LPIN2: variants seen among roughly 807,000 people sequenced by gnomAD.
The protein encoded by LPIN2 is phosphatidate phosphatase LPIN2.
In LPIN2, 55 loss-of-function variants were observed where a neutral mutation model predicts 111.4. The ratio of observed to expected loss-of-function variants is 0.49; its 90% CI spans 0.40 to 0.62. The LOEUF is 0.62. Ranked by LOEUF, LPIN2 falls within the 20% of genes least tolerant of loss-of-function variation. LPIN2 has a pLI of 0.00. For synonymous variants in LPIN2, 425 were observed against 414.0 expected, an observed-to-expected ratio of 1.03 and a Z score of -0.32; for missense variants, 992 against 1,112.1, an observed-to-expected ratio of 0.89 and a Z score of 1.54.
intron 1 of LPIN2, chr18:2,982,903 C>T: frequency 9.3e-6 from 3 of 324,040 alleles, no homozygotes; most frequent in Non-Finnish European, 1.2e-5. Context: ...GGAAATGGTT[C>T]TTAAAAAAAA....
chr18:2,999,131 A>C (rs2078390106), intron 1 of LPIN2, among the ~76,000 whole-genome samples: 1 of 152,178 alleles, frequency 6.6e-6, no homozygotes, highest in South Asian at 2.1e-4. Context: ...CCACTCTCAA[A>C]ACCCACTGTT....
At chr18:2,992,809 A>C (rs1265532047) in intron 1 of LPIN2, among the ~76,000 whole-genome samples, 5 of 151,784 alleles carry the variant, frequency 3.3e-5, no homozygotes, top group Admixed American at 6.6e-5. Context: ...CAGTGAAACC[A>C]TGTCTCTACT....
At chr18:2,932,727 G>A (rs9966095) in intron 8 of LPIN2, among the ~76,000 whole-genome samples, 2,464 of 152,324 alleles carry the variant, frequency 0.016, 49 homozygotes, top group African/African-American at 0.052. Context: ...CATACATGGT[G>A]CCCCTCCCCA....
intron 5 of LPIN2, 136 bp from the exon 6 acceptor site, chr18:2,939,739 C>T: frequency 2.3e-6 from 2 of 872,878 alleles, no homozygotes; most frequent in Non-Finnish European, 3.5e-6. Context: ...TGGAAGGGAG[C>T]ATCAATTATT....
intron 1 of LPIN2, among the ~76,000 whole-genome samples, chr18:2,966,003 T>G (rs1290945199): frequency 6.6e-6 from 1 of 152,154 alleles, no homozygotes; most frequent in Non-Finnish European, 1.5e-5. Context: ...TGGTGCGATC[T>G]CTGCTCACTG....
At chr18:3,000,687 T>G (rs2078421512) in intron 1 of LPIN2, among the ~76,000 whole-genome samples, 1 of 152,174 alleles carries the variant, frequency 6.6e-6, no homozygotes, top group African/African-American at 2.4e-5. Context: ...AGTCTCTGGG[T>G]GTTTTTATGC....
chr18:2,958,174 CAGAAAAA>C (rs71159026), intron 2 of LPIN2, among the ~76,000 whole-genome samples: 212 of 56,192 alleles, frequency 3.8e-3, no homozygotes, highest in African/African-American at 0.011. Context: ...AAAAAAAAAA[CAGAAAAA>C]AGAAAAAAAA....
intron 1 of LPIN2, among the ~76,000 whole-genome samples, chr18:2,995,753 T>C (rs969701459): frequency 6.6e-6 from 1 of 152,190 alleles, no homozygotes; most frequent in African/African-American, 2.4e-5. Flanking sequence ...TAATCTACCT[T>C]GAAGGGTAAA....
intron 18 of LPIN2, 26 bp from the exon 19 acceptor site, chr18:2,920,907 G>A: frequency 1.3e-6 from 2 of 1,491,132 alleles, no homozygotes; most frequent in Non-Finnish European, 1.9e-6. Context: ...GCAAGCGGGT[G>A]ATTCCAGGGA....
intron 8 of LPIN2, among the ~76,000 whole-genome samples, chr18:2,931,986 G>C (rs550061871): frequency 1.3e-5 from 2 of 152,248 alleles, no homozygotes; most frequent in South Asian, 4.1e-4. Flanking sequence ...AAATTCTCTA[G>C]AGGCAAGACC....
Position 2,925,244 on chromosome 18 carries a change from G to A in LPIN2, c.1918C>T (p.Arg640Cys), listed in dbSNP as rs1308403465. 2 of 1,614,050 alleles carry A rather than the reference G, an allele frequency of 1.2e-6. No individual in the cohort carries two copies. Among genetic ancestry groups the A allele is most frequent in the Non-Finnish European group, 8.5e-7 (1 of 1,180,032 alleles). Residue 640 changes from arginine (R) to cysteine (C), a missense_variant, in exon 14 of 20, where the codon CGC (arginine) becomes TGC (cysteine). Physicochemically the swap from Arg to Cys is radical, Grantham distance 180. This residue lies in a region of LPIN2 where 709 missense variants were observed against 753.2 expected (regional missense o/e 0.94). Transcript: ENST00000677752. The surrounding 1 kb of genome is among the most constrained non-coding windows in gnomAD (Gnocchi z 4.1). Reference protein sequence around the residue: ...GSTTSYKKSLRLSSDQIAKLK... With the variant: ...GSTTSYKKSLCLSSDQIAKLK... The stretch of plus-strand genomic sequence containing the variant: ...CTCACGATCTGGTCTGAGGAGAGGC[G>A]GAGAGACTTCTTATATGAAGTTGTG...
intron 3 of LPIN2, among the ~76,000 whole-genome samples, chr18:2,954,007 T>C (rs946813517): frequency 6.6e-5 from 10 of 152,296 alleles, no homozygotes; most frequent in Middle Eastern, 6.8e-3. Flanking sequence ...TAAAAGGATA[T>C]AGGCCAATTA....
chr18:2,932,970 T>C (rs960520240), intron 8 of LPIN2, among the ~76,000 whole-genome samples: 13 of 152,182 alleles, frequency 8.5e-5, no homozygotes, highest in Non-Finnish European at 1.8e-4. Context: ...CAGCAGCTAG[T>C]GTTACCCCAA....
intron 1 of LPIN2, among the ~76,000 whole-genome samples, chr18:3,006,158 T>C (rs954209293): frequency 6.6e-6 from 1 of 152,180 alleles, no homozygotes; most frequent in Non-Finnish European, 1.5e-5. Flanking sequence ...CCTAAAGAAG[T>C]TGTTCAATAA....
intron 7 of LPIN2, among the ~76,000 whole-genome samples, chr18:2,936,895 G>C (rs899682478): frequency 1.3e-5 from 2 of 152,082 alleles, no homozygotes; most frequent in African/African-American, 4.8e-5. Context: ...CTATTTTAGA[G>C]GGAAATAATC....
intron 1 of LPIN2, among the ~76,000 whole-genome samples, chr18:2,974,670 T>C (rs2077980298): frequency 6.6e-6 from 1 of 152,180 alleles, no homozygotes; most frequent in African/African-American, 2.4e-5. Context: ...GGGGAAAAAG[T>C]GGAGAGGGCA....
At chr18:2,987,079 C>T (rs1230610012) in intron 1 of LPIN2, among the ~76,000 whole-genome samples, 3 of 152,136 alleles carry the variant, frequency 2.0e-5, no homozygotes, top group African/African-American at 7.2e-5. Flanking sequence ...AGTGATGACA[C>T]CCTTAGGTAT....
At position 2,923,885 on chromosome 18, in the gene LPIN2, A is replaced by G. The variant is rs367855858; in HGVS notation, c.2088-24T>C. 37 of 1,596,838 alleles carry G rather than the reference A, an allele frequency of 2.3e-5. No individual in the cohort carries two copies. In the African/African-American group the frequency reaches 4.7e-4, roughly 20 times the overall value. Reference sequence around the variant, plus strand: ...ACCTAAGAAGACGGTAGAAACAGGAAAAGCTATCAGGAATCAAACACATAC... The same window carrying G: ...ACCTAAGAAGACGGTAGAAACAGGAGAAGCTATCAGGAATCAAACACATAC... On this transcript the variant is annotated intron_variant, in intron 15 of 19. Coordinates refer to ENST00000677752, the MANE Select transcript of LPIN2 (RefSeq NM_001375808.2).
At chr18:2,995,134 A>T (rs2143443169) in intron 1 of LPIN2, among the ~76,000 whole-genome samples, 1 of 152,326 alleles carries the variant, frequency 6.6e-6, no homozygotes, top group East Asian at 1.9e-4. Flanking sequence ...CCAGCTGCTT[A>T]ATAAATGCTA....
Sources: gnomAD v4.1 joint callset for allele counts (sites outside exome capture counted in the v4.1 genomes callset) on GRCh38, gnomAD v4.1.1 for gene constraint, gnomAD v4.1.1 regional missense constraint, Gnocchi (gnomAD v3.1) non-coding constraint, MANE v1.5 for transcripts, NCBI Gene and HGNC (gene_info 2026-07-23, HGNC 2026-07-21) for gene names.